The following QRFPR variants were observed in gnomAD, a reference collection of about 807,000 sequenced individuals.
The protein encoded by QRFPR is pyroglutamylated RF-amide peptide receptor.
A neutral mutation model predicts 31.3 loss-of-function variants in QRFPR; 37 were observed. That is an observed-to-expected ratio of 1.18 (90% CI 0.91 to 1.56). The LOEUF (loss-of-function observed/expected upper bound fraction) is 1.56. QRFPR is among the 40% of genes most tolerant of loss of function. The pLI, the probability that QRFPR is intolerant of heterozygous loss-of-function variation, is 0.00. For missense variants in QRFPR, 542 were observed against 532.5 expected, an observed-to-expected ratio of 1.02 and a Z score of -0.18; for synonymous variants, 197 against 192.0, an observed-to-expected ratio of 1.03 and a Z score of -0.22.
chr4:121,380,186 G>GGAGAGAGAGAGCGA (rs1726448167), intron 1 of QRFPR, 122 bp downstream of exon 1: 1 of 187,002 alleles, frequency 5.3e-6, no homozygotes, highest in African/African-American at 8.7e-5. Context: ...AGACGAGAGA[G>GGAGAGAGAGAGCGA]GAGAGAGAGA....
chr4:121,355,830 G>A (rs2110476885), intron 1 of QRFPR, among the ~76,000 whole-genome samples: 1 of 152,028 alleles, frequency 6.6e-6, no homozygotes, highest in African/African-American at 2.4e-5. Flanking sequence ...TGGTCATTGA[G>A]GGGCATACTG....
chr4:121,332,744 G>T, intron 4 of QRFPR, 77 bp downstream of exon 4: 1 of 1,110,976 alleles, frequency 9.0e-7, no homozygotes, highest in South Asian at 1.5e-5. Flanking sequence ...TAGAGGTTCT[G>T]AGAGCCCTGG....
chr4:121,365,532 AT>A (rs1726085636), intron 1 of QRFPR, among the ~76,000 whole-genome samples: 1 of 4,508 alleles, frequency 2.2e-4, no homozygotes, highest in Non-Finnish European at 2.9e-4. Flanking sequence ...TATATTATAT[AT>A]AATATATATT....
chr4:121,338,407 A>T (rs771299732), intron 2 of QRFPR, among the ~76,000 whole-genome samples: 3 of 152,182 alleles, frequency 2.0e-5, no homozygotes, highest in African/African-American at 7.2e-5. Context: ...AGCCTAGAGG[A>T]CCTAGGCCAA....
intron 2 of QRFPR, among the ~76,000 whole-genome samples, chr4:121,338,048 T>C (rs545694611): frequency 2.0e-5 from 3 of 152,290 alleles, no homozygotes; most frequent in South Asian, 4.2e-4. Flanking sequence ...TTGGGGTTTA[T>C]TATAAAGAAA....
intron 1 of QRFPR, chr4:121,370,006 G>A (rs543861208): frequency 5.7e-5 from 44 of 768,334 alleles, no homozygotes; most frequent in Non-Finnish European, 8.7e-5. Flanking sequence ...GCTTTCCTGG[G>A]TCTGTTTTGT....
chr4:121,366,415 C>G (rs1461892514), intron 1 of QRFPR, among the ~76,000 whole-genome samples: 1 of 149,990 alleles, frequency 6.7e-6, no homozygotes, highest in African/African-American at 2.5e-5. Flanking sequence ...TGCTTTATCA[C>G]AGAAGTAACA....
At chr4:121,371,537 G>A (rs753648613) in intron 1 of QRFPR, among the ~76,000 whole-genome samples, 9 of 152,128 alleles carry the variant, frequency 5.9e-5, no homozygotes, top group Non-Finnish European at 1.2e-4. Flanking sequence ...TGAGATGGGA[G>A]CAGCAGAGGG....
At position 121,362,676 on chromosome 4, in the gene QRFPR, A is replaced by C. The variant is rs1053661315; in HGVS notation, c.340+17632T>G. 4.0e-5 allele frequency among the ~76,000 whole-genome samples: 6 copies of C among 150,332 alleles called. 1 individual carries two copies. The highest frequency in any genetic ancestry group is 1.2e-4 in the African/African-American group (5 of 40,772). On this transcript the variant is annotated intron_variant, in intron 1 of 5. Transcript: ENST00000394427. ...AGAGCTCAGCAATCACATAAATATA[A>C]TAAACTAATCTTTGACAAAGGAGCA...
rs12499980 is a variant in QRFPR, at chr4:121,335,590, C to A, written c.561+1217G>T. Among the ~76,000 whole-genome samples, 7 of 57,906 alleles carry A rather than the reference C, an allele frequency of 1.2e-4. No homozygotes were observed. In the East Asian group the frequency reaches 3.3e-3, roughly 28 times the overall value. The allele number at this position is 57,906 out of a possible 152,430, so 38.0% of individuals were successfully genotyped here. The stretch of plus-strand genomic sequence containing the variant: ...ATTGTATGGGGGGTGGGGGGTGGGG[C>A]GGGGAGAGGAGTGGGGCAGGGGAGA... On this transcript the variant is annotated intron_variant, in intron 3 of 5. Coordinates refer to ENST00000394427, the MANE Select transcript of QRFPR (RefSeq NM_198179.3).
At chr4:121,378,023 T>C (rs1262981049) in intron 1 of QRFPR, among the ~76,000 whole-genome samples, 1 of 152,148 alleles carries the variant, frequency 6.6e-6, no homozygotes, top group Non-Finnish European at 1.5e-5. Context: ...TCAATTTTGG[T>C]ATTATTTACT....
intron 1 of QRFPR, among the ~76,000 whole-genome samples, chr4:121,361,140 T>C (rs1289798517): frequency 6.6e-6 from 1 of 150,926 alleles, no homozygotes; most frequent in Admixed American, 6.6e-5. Context: ...GAAAAAGCAC[T>C]CAATTTCCCT....
chr4:121,350,000 T>C (rs1285830440), intron 1 of QRFPR, among the ~76,000 whole-genome samples: 1 of 152,052 alleles, frequency 6.6e-6, no homozygotes, highest in Non-Finnish European at 1.5e-5. Flanking sequence ...AAAAGCAAAC[T>C]GGAAACTTGA....
chr4:121,359,743 G>T (rs1725948822), intron 1 of QRFPR, among the ~76,000 whole-genome samples: 1 of 148,824 alleles, frequency 6.7e-6, no homozygotes, highest in Middle Eastern at 3.4e-3. Flanking sequence ...ATATATATTT[G>T]TGTGTATATA....
chr4:121,342,348 T>C (rs908277684), intron 1 of QRFPR, among the ~76,000 whole-genome samples: 4 of 152,194 alleles, frequency 2.6e-5, no homozygotes, highest in Non-Finnish European at 4.4e-5. Context: ...TAGTGGATCA[T>C]GGAACTTCCC....
intron 1 of QRFPR, among the ~76,000 whole-genome samples, chr4:121,358,611 T>C (rs575302580): frequency 1.4e-4 from 22 of 152,310 alleles, no homozygotes; most frequent in African/African-American, 4.6e-4. Context: ...GAAGGGAAGT[T>C]TGTGTTTTAT....
Position 121,340,108 on chromosome 4 carries a change from C to CAAAAAAAA in QRFPR, c.499+336_499+343dup, listed in dbSNP as rs58311512. On this transcript the variant is annotated intron_variant, in intron 2 of 5. Coordinates refer to ENST00000394427, the MANE Select transcript of QRFPR (RefSeq NM_198179.3). Reference sequence around the variant, plus strand: ...GGGCAATGTAGTTGACACTCTGTCTCAAAAAAAAAAAAAAAAAAAAAAAAG... The same window carrying CAAAAAAAA: ...GGGCAATGTAGTTGACACTCTGTCTCAAAAAAAAAAAAAAAAAAAAAAAAAAAAAAAAG... 25 of 131,904 alleles carry CAAAAAAAA rather than the reference C, an allele frequency of 1.9e-4. 1 individual carries two copies. Among genetic ancestry groups the CAAAAAAAA allele is most frequent in the East Asian group, 5.2e-4 (2 of 3,858 alleles). The allele number at this position is 131,904 out of a possible 1,614,324, so 8.2% of individuals were successfully genotyped here.
chr4:121,353,304 T>C (rs1282627313), intron 1 of QRFPR, among the ~76,000 whole-genome samples: 1 of 152,076 alleles, frequency 6.6e-6, no homozygotes, highest in African/African-American at 2.4e-5. Context: ...CTGTTTTCCA[T>C]AGTAGCTATA....
At chr4:121,358,329 A>T (rs1725908272) in intron 1 of QRFPR, among the ~76,000 whole-genome samples, 1 of 152,198 alleles carries the variant, frequency 6.6e-6, no homozygotes, top group South Asian at 2.1e-4. Context: ...AATTTTTCTG[A>T]TGTAAATACT....
Sources: gnomAD v4.1 joint callset for allele counts (sites outside exome capture counted in the v4.1 genomes callset) on GRCh38, gnomAD v4.1.1 for gene constraint, MANE v1.5 for transcripts, NCBI Gene and HGNC (gene_info 2026-07-23, HGNC 2026-07-21) for gene names.